Variants in PCDHA1 observed in about 807,000 individuals in gnomAD.
PCDHA1 encodes protocadherin alpha-1.
A neutral mutation model predicts 61.3 loss-of-function variants in PCDHA1; 42 were observed. The observed-to-expected ratio is 0.69, with a 90% CI of 0.54 to 0.89. The LOEUF (loss-of-function observed/expected upper bound fraction) is 0.89, where lower values mean the gene tolerates loss of function less well. PCDHA1 is among the 40% of genes least tolerant of loss of function. PCDHA1 has a pLI of 0.00. For synonymous variants in PCDHA1, 610 were observed against 553.8 expected (o/e 1.10, Z -1.43); for missense variants, 1,256 against 1,235.3 (o/e 1.02, Z -0.25).
intron 1 of PCDHA1, chr5:140,796,871 C>T (rs549520039): frequency 3.1e-6 from 5 of 1,614,006 alleles, no homozygotes; most frequent in African/African-American, 2.7e-5. Context: ...ACGACACGTG[C>T]CCTAGACGAG....
intron 3 of PCDHA1, among the ~76,000 whole-genome samples, chr5:140,993,129 G>A (rs1216210971): frequency 6.6e-6 from 1 of 152,160 alleles, no homozygotes; most frequent in Non-Finnish European, 1.5e-5. Flanking sequence ...ATTTCCTTCT[G>A]TTGCAACAAG....
intron 1 of PCDHA1, chr5:140,801,127 A>T: frequency 6.6e-7 from 1 of 1,520,548 alleles, no homozygotes; most frequent in Non-Finnish European, 8.8e-7. Flanking sequence ...AGAAATGAAG[A>T]TAAGGAACTC....
intron 1 of PCDHA1, chr5:140,830,478 A>G: frequency 2.0e-6 from 3 of 1,521,696 alleles, no homozygotes; most frequent in East Asian, 2.3e-5. Flanking sequence ...GAAGATCATG[A>G]TGCCAAAGTA....
chr5:140,955,492 A>G, intron 1 of PCDHA1, among the ~76,000 whole-genome samples: 1 of 152,138 alleles, frequency 6.6e-6, no homozygotes, highest in East Asian at 1.9e-4. Context: ...TCCTGCCACC[A>G]TGTGAAGAAA....
chr5:140,967,833 T>C, intron 1 of PCDHA1: 1 of 1,614,132 alleles, frequency 6.2e-7, no homozygotes, highest in Non-Finnish European at 8.5e-7. Context: ...GTGGACATCG[T>C]GGACGTGAAT....
Position 140,823,914 on chromosome 5 carries a change from G to T in PCDHA1, c.2394+35230G>T, listed in dbSNP as rs151078612. 1.2e-5 allele frequency: 20 copies of T among 1,613,874 alleles called. No individual in the cohort carries two copies. In the African/African-American group the frequency reaches 2.0e-4, roughly 16 times the overall value. Reference sequence around the variant, plus strand: ...CGGTGTCCAGCCTGCTGGTGCTCACGCTGCTGCTGTACACCGCGCTGCGGT... The same window carrying T: ...CGGTGTCCAGCCTGCTGGTGCTCACTCTGCTGCTGTACACCGCGCTGCGGT... On this transcript the variant is annotated intron_variant, in intron 1 of 3. Coordinates refer to ENST00000504120, the MANE Select transcript of PCDHA1 (RefSeq NM_018900.4).
chr5:140,928,485 C>T, intron 1 of PCDHA1: 2 of 1,614,136 alleles, frequency 1.2e-6, no homozygotes, highest in Non-Finnish European at 1.7e-6. Context: ...GGGATGGTGG[C>T]ATTCCTCCCA....
chr5:140,802,482 G>T (rs782301588), intron 1 of PCDHA1: 2 of 1,614,192 alleles, frequency 1.2e-6, no homozygotes, highest in East Asian at 4.5e-5. Flanking sequence ...GACTGCTCGG[G>T]ACGGGGGCTC....
intron 1 of PCDHA1, chr5:140,969,289 G>C: frequency 6.2e-7 from 1 of 1,614,208 alleles, no homozygotes; most frequent in Non-Finnish European, 8.5e-7. Context: ...AGAATGCTGG[G>C]AACCTGATTA....
At chr5:140,834,987 A>G in intron 1 of PCDHA1, 1 of 1,457,052 alleles carries the variant, frequency 6.9e-7, no homozygotes, top group Non-Finnish European at 9.3e-7. Flanking sequence ...ACTTTTAGAC[A>G]GAGAAGAAAC....
chr5:140,857,076 A>C (rs782010117), intron 1 of PCDHA1: 1 of 1,596,990 alleles, frequency 6.3e-7, no homozygotes, highest in Admixed American at 1.7e-5. Flanking sequence ...CTGGATGAAA[A>C]TGATAATTCA....
intron 1 of PCDHA1, chr5:140,969,172 G>T (rs782196654): frequency 1.2e-5 from 19 of 1,614,086 alleles, no homozygotes; most frequent in Non-Finnish European, 1.5e-5. Context: ...CAGGCTCAGG[G>T]AGTGACACTT....
At chr5:140,841,784 G>T in intron 1 of PCDHA1, 1 of 1,613,930 alleles carries the variant, frequency 6.2e-7, no homozygotes. Flanking sequence ...GTTTCCGCTA[G>T]AGGGCGCGTC....
intron 1 of PCDHA1, chr5:140,869,754 G>A (rs781808579): frequency 1.2e-6 from 2 of 1,613,182 alleles, no homozygotes; most frequent in Admixed American, 1.7e-5. Context: ...CTACAGACGG[G>A]GGAAAACCAG....
At chr5:140,877,391 C>T (rs782042077) in intron 1 of PCDHA1, 21 of 1,613,950 alleles carry the variant, frequency 1.3e-5, no homozygotes, top group Non-Finnish European at 1.8e-5. Flanking sequence ...CTGGATGAGG[C>T]GGACGCTCCG....
At chr5:140,915,059 C>T (rs1554196724) in intron 1 of PCDHA1, among the ~76,000 whole-genome samples, 1 of 151,706 alleles carries the variant, frequency 6.6e-6, no homozygotes, top group Non-Finnish European at 1.5e-5. Flanking sequence ...GATTCTCCTG[C>T]CTTAGCCTAC....
chr5:140,871,561 T>C, intron 1 of PCDHA1: 1 of 1,485,946 alleles, frequency 6.7e-7, no homozygotes, highest in Non-Finnish European at 9.0e-7. Context: ...CAGTTTTTTT[T>C]CACGGATTTT....
At chr5:140,984,254 G>A (rs553931247) in intron 3 of PCDHA1, among the ~76,000 whole-genome samples, 1 of 152,278 alleles carries the variant, frequency 6.6e-6, no homozygotes, top group East Asian at 1.9e-4. Flanking sequence ...GACCTGGTAA[G>A]CCACAAACTA....
At chr5:140,828,888 C>T in intron 1 of PCDHA1, 1 of 1,614,192 alleles carries the variant, frequency 6.2e-7, no homozygotes, top group East Asian at 2.2e-5. Flanking sequence ...AGACTGAATG[C>T]TTCTGATCGG....
Sources: gnomAD v4.1 joint callset for allele counts (sites outside exome capture counted in the v4.1 genomes callset) on GRCh38, gnomAD v4.1.1 for gene constraint, MANE v1.5 for transcripts, NCBI Gene and HGNC (gene_info 2026-07-23, HGNC 2026-07-21) for gene names.